The following NAV2 variants were observed in gnomAD, a reference collection of about 807,000 sequenced individuals.
NAV2 encodes the protein helicase, APC down-regulated 1.
A neutral mutation model predicts 223.2 loss-of-function variants in NAV2; 54 were observed. That is an observed-to-expected ratio of 0.24 (90% CI 0.19 to 0.30). The LOEUF (loss-of-function observed/expected upper bound fraction) is 0.30. NAV2 is among the 10% of genes least tolerant of loss of function. The pLI is 1.00. For missense variants in NAV2, 2,806 were observed against 3,147.5 expected, an observed-to-expected ratio of 0.89 and a Z score of 2.60; for synonymous variants, 1,279 against 1,239.3, an observed-to-expected ratio of 1.03 and a Z score of -0.67.
chr11:19,584,659 G>A (rs904436413), intron 1 of NAV2, among the ~76,000 whole-genome samples: 3 of 152,180 alleles, frequency 2.0e-5, no homozygotes, highest in African/African-American at 7.2e-5. Flanking sequence ...TCAGGAGCAG[G>A]TTGTTCAGTT....
At chr11:19,515,988 A>G (rs539151697) in intron 1 of NAV2, among the ~76,000 whole-genome samples, 1 of 152,380 alleles carries the variant, frequency 6.6e-6, no homozygotes, top group South Asian at 2.1e-4. Context: ...GGGAGAGAAT[A>G]GCAGGAATTT....
chr11:20,048,089 G>A (rs2057629186), intron 14 of NAV2, among the ~76,000 whole-genome samples: 1 of 152,122 alleles, frequency 6.6e-6, no homozygotes, highest in Admixed American at 6.5e-5. Context: ...CAGTGTGTCT[G>A]GTCTAATGTC....
chr11:19,393,584 A>G (rs573610960), intron 1 of NAV2, among the ~76,000 whole-genome samples: 4 of 152,380 alleles, frequency 2.6e-5, no homozygotes, highest in Admixed American at 6.5e-5. Context: ...TTGGAAACAA[A>G]CAAACCTTGA....
chr11:19,578,579 C>A (rs759235423), intron 1 of NAV2, among the ~76,000 whole-genome samples: 2 of 152,140 alleles, frequency 1.3e-5, no homozygotes, highest in Non-Finnish European at 2.9e-5. Flanking sequence ...GCCACCATGC[C>A]CTGGAGGTCA....
chr11:20,034,362 G>GTTTTTTTTTTTT (rs774988268), intron 11 of NAV2, among the ~76,000 whole-genome samples: 2 of 133,250 alleles, frequency 1.5e-5, no homozygotes, highest in African/African-American at 5.4e-5. Flanking sequence ...TTTTTTTTTT[G>GTTTTTTTTTTTT]TTTTTTTTTT....
At chr11:19,481,201 G>A (rs767294311) in intron 1 of NAV2, among the ~76,000 whole-genome samples, 10 of 152,116 alleles carry the variant, frequency 6.6e-5, no homozygotes, top group Non-Finnish European at 1.5e-4. Context: ...CCTGGTACCT[G>A]TACTGGATGG....
rs758062815 is a variant in NAV2, at chr11:20,049,035, G to A, written c.4210G>A (p.Val1404Ile). Reference protein sequence around the residue: ...VSKDGLGFQSVSSLHTSCESI... With the variant: ...VSKDGLGFQSISSLHTSCESI... Reference sequence around the variant, plus strand: ...CAAGGATGGCCTGGGCTTTCAGTCTGTCAGCAGCCTCCACACCAGCTGTGA... The same window carrying A: ...CAAGGATGGCCTGGGCTTTCAGTCTATCAGCAGCCTCCACACCAGCTGTGA... The change falls in exon 15 of 38, where the codon GTC (valine) becomes ATC (isoleucine). Residue 1404 changes from valine (V) to isoleucine (I), a missense_variant. Around this residue, in one of 4 missense-constraint regions of NAV2, gnomAD observed 742 missense variants for 777.9 expected, o/e 0.95. Coordinates refer to ENST00000349880, the MANE Select transcript of NAV2 (RefSeq NM_145117.5). The A allele has an allele frequency of 6.2e-7, 1 of 1,614,010 alleles. No individual in the cohort carries two copies. The highest frequency in any genetic ancestry group is 1.1e-5 in the South Asian group (1 of 91,072).
At chr11:19,956,030 T>C (rs1565638578) in intron 10 of NAV2, among the ~76,000 whole-genome samples, 1 of 152,132 alleles carries the variant, frequency 6.6e-6, no homozygotes, top group Non-Finnish European at 1.5e-5. Flanking sequence ...CGATCTTGGC[T>C]TTTGGCGCTC....
intron 24 of NAV2, 105 bp from the exon 25 acceptor site, chr11:20,079,959 C>G (rs1387859242): frequency 1.6e-6 from 2 of 1,285,474 alleles, no homozygotes; most frequent in Non-Finnish European, 2.1e-6. Flanking sequence ...GTGGAAAACA[C>G]CCAGTAGTCC....
chr11:19,398,465 T>C (rs12576334), intron 1 of NAV2, among the ~76,000 whole-genome samples: 57,435 of 151,974 alleles, frequency 0.38, 11,124 homozygotes, highest in East Asian at 0.53. Flanking sequence ...CACCCTGCAT[T>C]GGCCTGTCTC....
intron 1 of NAV2, among the ~76,000 whole-genome samples, chr11:19,426,164 G>T (rs964482615): frequency 3.3e-5 from 5 of 152,194 alleles, no homozygotes; most frequent in African/African-American, 1.2e-4. Flanking sequence ...AGCAAAATTT[G>T]ACAGCTTCCT....
intron 1 of NAV2, among the ~76,000 whole-genome samples, chr11:19,451,278 T>C (rs1851781039): frequency 6.6e-6 from 1 of 152,102 alleles, no homozygotes; most frequent in African/African-American, 2.4e-5. Flanking sequence ...CCCTCCCTCA[T>C]TCTCTTCTTT....
intron 1 of NAV2, among the ~76,000 whole-genome samples, chr11:19,772,846 C>T (rs2055829158): frequency 6.6e-6 from 1 of 152,164 alleles, no homozygotes; most frequent in Admixed American, 6.5e-5. Flanking sequence ...TTAGTCATTG[C>T]TTTGGCTGAA....
In NAV2 at chr11:19,467,011, A is replaced by T. The variant is rs559870343; in HGVS notation, c.75+115984A>T. ...CACACACACACACACACACACACAC[A>T]CACACACAGAGAGAGAGAGAGAGAG... is the stretch of plus-strand genomic sequence containing the variant. On this transcript the variant is annotated intron_variant, in intron 1 of 37. Transcript: ENST00000360655. Among the ~76,000 whole-genome samples, 6 of 135,702 alleles carry T rather than the reference A, an allele frequency of 4.4e-5. No individual in the cohort carries two copies. In the South Asian group the frequency reaches 1.6e-3, roughly 36 times the overall value. The allele number at this position is 135,702 out of a possible 152,430, so 89.0% of individuals were successfully genotyped here. A position where few individuals can be genotyped will look rare whatever the true frequency, so the allele number is the denominator to read the frequency against.
chr11:19,428,766 G>A lies in NAV2; in HGVS notation c.75+77739G>A, dbSNP rs139543270. Among the ~76,000 whole-genome samples the A allele has an allele frequency of 3.1e-3, 472 of 152,328 alleles. 2 individuals carry two copies. The highest frequency in any genetic ancestry group is 0.011 in the African/African-American group (439 of 41,580). ...GCAGAGAATCAGGGTGGGAAGAGAA[G>A]GGCTGATCAGTAGGACTGACTGTTA... On this transcript the variant is annotated intron_variant, in intron 1 of 37. Coordinates refer to the NAV2 transcript ENST00000360655.
At chr11:19,994,132 T>G in intron 11 of NAV2, among the ~76,000 whole-genome samples, 1 of 152,236 alleles carries the variant, frequency 6.6e-6, no homozygotes, top group South Asian at 2.1e-4. Flanking sequence ...TTCCTTTTCC[T>G]GCCAGTGATG....
chr11:19,703,781 T>C (rs1424873873), intron 1 of NAV2, among the ~76,000 whole-genome samples: 1 of 152,184 alleles, frequency 6.6e-6, no homozygotes. Context: ...AAAGCCATGT[T>C]TTTCAATTCG....
At chr11:19,772,460 A>G (rs985919781) in intron 1 of NAV2, among the ~76,000 whole-genome samples, 2 of 152,132 alleles carry the variant, frequency 1.3e-5, no homozygotes, top group Non-Finnish European at 2.9e-5. Context: ...GTGATGAGGT[A>G]TTTTCAGTAT....
Position 20,103,405 on chromosome 11 carries a change from A to C in NAV2, c.6568A>C (p.Lys2190Gln), listed in dbSNP as rs769282040. The C allele has an allele frequency of 6.2e-7, 1 of 1,613,384 alleles. No homozygotes were observed. The highest frequency in any genetic ancestry group is 1.1e-5 in the South Asian group (1 of 90,930). ...FNGLLNCKYH[K>Q]CPYIIGTMNQ... ...TGGGCTGCTCAACTGCAAGTACCAC[A>C]AATGGTAAAGGCTGGTTCTGGACCT... The change falls in exon 33 of 38, where the codon AAA becomes CAA. Residue 2190 changes from lysine (K) to glutamine (Q), a missense_variant. Physicochemically the swap from Lys to Gln is moderately conservative, Grantham distance 53. Coordinates refer to ENST00000349880, the MANE Select transcript of NAV2 (RefSeq NM_145117.5).
Sources: gnomAD v4.1 joint callset for allele counts (sites outside exome capture counted in the v4.1 genomes callset) on GRCh38, gnomAD v4.1.1 for gene constraint, gnomAD v4.1.1 regional missense constraint, MANE v1.5 for transcripts, NCBI Gene and HGNC (gene_info 2026-07-23, HGNC 2026-07-21) for gene names.